TENM1: variants seen among roughly 807,000 people sequenced by gnomAD.
The protein encoded by TENM1 is teneurin transmembrane protein 1.
In TENM1, 35 loss-of-function variants were observed where a neutral mutation model predicts 174.8. The observed-to-expected ratio is 0.20, with a 90% CI of 0.15 to 0.27. TENM1 has a LOEUF of 0.27. Among genes scored for constraint, TENM1 ranks in the 10% least tolerant of loss-of-function variants. The pLI is 1.00. For missense variants in TENM1, 1,633 were observed against 2,130.1 expected (o/e 0.77, Z 4.59); for synonymous variants, 781 against 798.7 (o/e 0.98, Z 0.37).
the TENM1 span, among the ~76,000 whole-genome samples, chrX:125,007,440 A>C: frequency 1.8e-5 from 2 of 111,630 alleles, no homozygotes; most frequent in Non-Finnish European, 3.8e-5. Flanking sequence ...GGAGAATGGA[A>C]CCAAGTTGGA....
chrX:124,460,208 C>T (rs1221200881), intron 22 of TENM1, among the ~76,000 whole-genome samples: 1 of 111,552 alleles, frequency 9.0e-6, no homozygotes, highest in Non-Finnish European at 1.9e-5. Context: ...TACCATTGGA[C>T]CCAGCAGTCC....
intron 11 of TENM1, among the ~76,000 whole-genome samples, chrX:124,586,276 C>CA (rs1392260941): frequency 1.8e-5 from 2 of 110,323 alleles, no homozygotes; most frequent in Middle Eastern, 4.6e-3. Flanking sequence ...AATATTGATG[C>CA]AAAAATCCTC....
chrX:124,966,522 C>T (rs1420464554), upstream of TENM1, among the ~76,000 whole-genome samples: 1 of 108,631 alleles, frequency 9.2e-6, no homozygotes, highest in East Asian at 2.9e-4. Context: ...ATTAGCCGGG[C>T]GTGGTAGCGG....
At chrX:124,582,214 T>C (rs1435356009) in intron 11 of TENM1, among the ~76,000 whole-genome samples, 1 of 112,498 alleles carries the variant, frequency 8.9e-6, no homozygotes, top group African/African-American at 3.2e-5. Context: ...GGACATGATC[T>C]CATTCTTTTT....
intron 3 of TENM1, among the ~76,000 whole-genome samples, chrX:124,833,754 T>C (rs2056336919): frequency 3.6e-5 from 4 of 111,261 alleles, no homozygotes; most frequent in Admixed American, 1.9e-4. Flanking sequence ...CCACTTTATC[T>C]GAAGGGAAAT....
the TENM1 span, among the ~76,000 whole-genome samples, chrX:125,003,247 A>G: frequency 8.9e-6 from 1 of 111,859 alleles, no homozygotes; most frequent in African/African-American, 3.2e-5. Context: ...AACATTAGGG[A>G]AGAACTTTTG....
rs147147302 is a variant in TENM1, at chrX:124,591,390, T to C, written c.2078-25830A>G. Among the ~76,000 whole-genome samples the C allele has an allele frequency of 2.8e-3, 309 of 112,275 alleles. 1 individual carries two copies. The highest frequency in any genetic ancestry group is 4.8e-3 in the Non-Finnish European group (254 of 53,208). ...TATTGTTCTTTCATTGCTGTGTTCC[T>C]TAAGGAGCTCTTTTAAGGCTGGTCT... On this transcript the variant is annotated intron_variant, in intron 11 of 31. Coordinates refer to ENST00000422452, the Ensembl canonical transcript of TENM1.
chrX:124,828,447 C>T (rs1439846216), intron 3 of TENM1, among the ~76,000 whole-genome samples: 1 of 112,293 alleles, frequency 8.9e-6, no homozygotes, highest in Non-Finnish European at 1.9e-5. Flanking sequence ...TTCTAGTGAG[C>T]ATTTGCAGTT....
At chrX:124,499,968 A>T (rs970907623) in intron 19 of TENM1, among the ~76,000 whole-genome samples, 1 of 111,658 alleles carries the variant, frequency 9.0e-6, no homozygotes, top group South Asian at 3.7e-4. Flanking sequence ...ATATCAATAT[A>T]ATGGTATAGT....
intron 3 of TENM1, among the ~76,000 whole-genome samples, chrX:124,753,085 G>A (rs1318455580): frequency 9.1e-6 from 1 of 109,734 alleles, no homozygotes; most frequent in Non-Finnish European, 1.9e-5. Context: ...GGGCAGTATG[G>A]CCATTTTCAC....
At chrX:124,726,096 CATCA>C (rs1245826886) in intron 4 of TENM1, among the ~76,000 whole-genome samples, 1 of 112,343 alleles carries the variant, frequency 8.9e-6, no homozygotes, top group Non-Finnish European at 1.9e-5. Context: ...TCGTATATTA[CATCA>C]ATCAACTCAT....
the TENM1 span, among the ~76,000 whole-genome samples, chrX:125,048,603 A>T: frequency 5.7e-4 from 64 of 111,322 alleles, no homozygotes; most frequent in Admixed American, 2.0e-3. Context: ...GAGGGAGTAG[A>T]GAGGTGATAT....
the TENM1 span, among the ~76,000 whole-genome samples, chrX:125,030,294 A>G: frequency 8.9e-6 from 1 of 111,934 alleles, no homozygotes; most frequent in African/African-American, 3.3e-5. Flanking sequence ...TCATGGGAAA[A>G]TACATCTCTC....
At chrX:125,001,925 TCA>T in the TENM1 span, among the ~76,000 whole-genome samples, 31,209 of 66,700 alleles carry the variant, frequency 0.47, 7,278 homozygotes, top group East Asian at 0.66. Flanking sequence ...TCTAGAGAGA[TCA>T]CACACACACA....
At chrX:125,077,574 T>C in the TENM1 span, among the ~76,000 whole-genome samples, 1 of 111,440 alleles carries the variant, frequency 9.0e-6, no homozygotes, top group Non-Finnish European at 1.9e-5. Flanking sequence ...ATGTTAAGAA[T>C]GCTTGGGACT....
intron 14 of TENM1, among the ~76,000 whole-genome samples, chrX:124,550,187 C>T (rs1298750383): frequency 2.7e-5 from 3 of 111,607 alleles, no homozygotes; most frequent in Non-Finnish European, 5.6e-5. Flanking sequence ...GGTTTCTTTG[C>T]TGCGTGATCA....
the TENM1 span, among the ~76,000 whole-genome samples, chrX:125,075,865 T>C: frequency 2.0e-5 from 2 of 97,964 alleles, no homozygotes; most frequent in African/African-American, 8.9e-5. Flanking sequence ...ATTCTAGAAT[T>C]CTCATTTGAT....
Position 124,873,664 on chromosome X carries a change from C to T in TENM1, c.535+20632G>A, listed in dbSNP as rs760235480. On this transcript the variant is annotated intron_variant, in intron 3 of 31. Transcript: ENST00000422452. ...CAAGAAAATCCACTACTATCGACAA[C>T]GATTCAAACCCTGTGGCTTTTGTTT... Among the ~76,000 whole-genome samples, 268 of 111,356 alleles carry T rather than the reference C, an allele frequency of 2.4e-3. 1 individual carries two copies. Among genetic ancestry groups the T allele is most frequent in the Non-Finnish European group, 4.1e-3 (215 of 52,927 alleles).
intron 3 of TENM1, among the ~76,000 whole-genome samples, chrX:124,789,288 G>T (rs776297637): frequency 1.8e-5 from 2 of 110,741 alleles, no homozygotes; most frequent in South Asian, 7.8e-4. Flanking sequence ...AGACCTCCCA[G>T]CCTGTGATGG....
Sources: gnomAD v4.1 joint callset for allele counts (sites outside exome capture counted in the v4.1 genomes callset) on GRCh38, gnomAD v4.1.1 for gene constraint, MANE v1.5 for transcripts, NCBI Gene and HGNC (gene_info 2026-07-23, HGNC 2026-07-21) for gene names.